The following COL10A1 variants were observed in gnomAD, a reference collection of about 807,000 sequenced individuals.
The protein encoded by COL10A1 is collagen type X alpha 1 chain, also known as collagen alpha-1(X) chain.
COL10A1 carries 10 observed loss-of-function variants against 18.2 expected under a neutral mutation model. That is an observed-to-expected ratio of 0.55 (90% CI 0.34 to 0.93). The LOEUF is 0.93. Ranked by LOEUF, COL10A1 falls within the 40% of genes least tolerant of loss-of-function variation. The pLI is 0.02. For missense variants in COL10A1, 897 were observed against 853.5 expected, an observed-to-expected ratio of 1.05 and a Z score of -0.64; for synonymous variants, 330 against 316.6, an observed-to-expected ratio of 1.04 and a Z score of -0.45.
In COL10A1 at chr6:116,124,688, G is replaced by A. The variant is rs1021577751; in HGVS notation, c.154+651C>T. On this transcript the variant is annotated intron_variant, in intron 2 of 2. Coordinates refer to ENST00000651968, the MANE Select transcript of COL10A1 (RefSeq NM_000493.4). ...CTTATTTTACAAATGAGGAAACTAA[G>A]GCATGGGAGGACAAGTAACTTACCT... 7.9e-5 allele frequency among the ~76,000 whole-genome samples: 12 copies of A among 152,252 alleles called. No homozygotes were observed. In the South Asian group the frequency reaches 2.1e-3, roughly 26 times the overall value.
At chr6:116,136,769 C>T (rs1408929784) in intron 1 of COL10A1, among the ~76,000 whole-genome samples, 1 of 152,116 alleles carries the variant, frequency 6.6e-6, no homozygotes, top group Non-Finnish European at 1.5e-5. Flanking sequence ...TATTCTTGGC[C>T]TTAGTTCCAA....
At chr6:116,179,601 CCTA>C in the COL10A1 span, among the ~76,000 whole-genome samples, 3 of 152,130 alleles carry the variant, frequency 2.0e-5, no homozygotes, top group South Asian at 2.1e-4. Context: ...TAAAAATTAA[CCTA>C]CTGAAATTAA....
chr6:116,156,833 T>G (rs554012874), intron 1 of COL10A1, among the ~76,000 whole-genome samples: 1 of 152,098 alleles, frequency 6.6e-6, no homozygotes, highest in Admixed American at 6.5e-5. Context: ...TCACGTCCTC[T>G]CCCCAGGCCA....
At chr6:116,159,145 C>A (rs74358672), upstream of COL10A1, among the ~76,000 whole-genome samples, 664 of 152,132 alleles carry the variant, frequency 4.4e-3, 14 homozygotes, top group East Asian at 0.057. Flanking sequence ...TGCCATTGCT[C>A]TGGGATCAAT....
intron 1 of COL10A1, among the ~76,000 whole-genome samples, chr6:116,140,501 A>C (rs1258670296): frequency 6.6e-6 from 1 of 152,142 alleles, no homozygotes; most frequent in Non-Finnish European, 1.5e-5. Flanking sequence ...GAGGGATATT[A>C]ATTCAATGAA....
chr6:116,128,493 T>A (rs928616237), upstream of COL10A1, among the ~76,000 whole-genome samples: 7 of 152,208 alleles, frequency 4.6e-5, no homozygotes, highest in African/African-American at 1.7e-4. Flanking sequence ...GTAATTTTTT[T>A]AAATATCAAA....
At chr6:116,172,317 C>CT in the COL10A1 span, among the ~76,000 whole-genome samples, 45,559 of 108,108 alleles carry the variant, frequency 0.42, 10,992 homozygotes, top group African/African-American at 0.47. Flanking sequence ...CCCTTAGTAA[C>CT]TTTTTTTTTT....
chr6:116,175,478 A>G, the COL10A1 span, among the ~76,000 whole-genome samples: 2 of 152,138 alleles, frequency 1.3e-5, no homozygotes, highest in East Asian at 1.9e-4. Context: ...TTGAAAAATT[A>G]TTGGTCATTA....
intron 1 of COL10A1, among the ~76,000 whole-genome samples, chr6:116,132,581 C>T (rs977308894): frequency 6.6e-6 from 1 of 151,976 alleles, no homozygotes; most frequent in African/African-American, 2.4e-5. Context: ...TCATCCACAT[C>T]AATCATTTTA....
chr6:116,194,914 T>A, the COL10A1 span, among the ~76,000 whole-genome samples: 1 of 152,100 alleles, frequency 6.6e-6, no homozygotes, highest in Admixed American at 6.5e-5. Flanking sequence ...TAAGTACTGA[T>A]AACCAAAAGT....
intron 1 of COL10A1, among the ~76,000 whole-genome samples, chr6:116,152,408 GA>G (rs576268261): frequency 2.0e-5 from 3 of 151,048 alleles, no homozygotes; most frequent in African/African-American, 7.3e-5. Context: ...TCAAAAATAA[GA>G]AAAAAAAATT....
the COL10A1 span, among the ~76,000 whole-genome samples, chr6:116,165,075 C>T: frequency 7.6e-3 from 978 of 129,008 alleles, 11 homozygotes; most frequent in African/African-American, 0.026. Flanking sequence ...TCAGTCTAGG[C>T]GACAGAGCGA....
the COL10A1 span, among the ~76,000 whole-genome samples, chr6:116,167,103 C>CTTTTA: frequency 6.6e-6 from 1 of 150,836 alleles, no homozygotes; most frequent in Non-Finnish European, 1.5e-5. Flanking sequence ...GTAGAATTAT[C>CTTTTA]TTTTATCACT....
chr6:116,205,068 A>G, the COL10A1 span, among the ~76,000 whole-genome samples: 1 of 152,006 alleles, frequency 6.6e-6, no homozygotes, highest in South Asian at 2.1e-4. Flanking sequence ...TATACAGTGC[A>G]GAAGTGTCCA....
intron 1 of COL10A1, among the ~76,000 whole-genome samples, chr6:116,147,866 C>A (rs1392072537): frequency 6.6e-6 from 1 of 151,822 alleles, no homozygotes; most frequent in East Asian, 1.9e-4. Context: ...GCTACATTAG[C>A]AGTCATTAAA....
At chr6:116,141,205 C>T (rs1779755827) in intron 1 of COL10A1, among the ~76,000 whole-genome samples, 1 of 151,004 alleles carries the variant, frequency 6.6e-6, no homozygotes, top group African/African-American at 2.4e-5. Context: ...GTTGATTGGC[C>T]ATTTGTGTTT....
the COL10A1 span, among the ~76,000 whole-genome samples, chr6:116,173,790 T>C: frequency 2.6e-5 from 4 of 152,342 alleles, no homozygotes; most frequent in South Asian, 8.3e-4. Flanking sequence ...GTTCACATCT[T>C]ACATTATTAT....
At chr6:116,193,803 G>A in the COL10A1 span, among the ~76,000 whole-genome samples, 1 of 152,060 alleles carries the variant, frequency 6.6e-6, no homozygotes, top group African/African-American at 2.4e-5. Flanking sequence ...AGGCACAATG[G>A]CTCACACCTA....
At chr6:116,178,054 T>TGA in the COL10A1 span, among the ~76,000 whole-genome samples, 1 of 59,490 alleles carries the variant, frequency 1.7e-5, no homozygotes, top group South Asian at 4.6e-4. Context: ...AAGAGGAAAG[T>TGA]GTGTGTGTGT....
Sources: gnomAD v4.1 joint callset for allele counts (sites outside exome capture counted in the v4.1 genomes callset) on GRCh38, gnomAD v4.1.1 for gene constraint, MANE v1.5 for transcripts, NCBI Gene and HGNC (gene_info 2026-07-23, HGNC 2026-07-21) for gene names.